RBFOX3: variants seen among roughly 807,000 people sequenced by gnomAD.
RBFOX3 encodes the protein RNA binding fox-1 homolog 3, also known as RNA binding protein fox-1 homolog 3.
In RBFOX3, 17 loss-of-function variants were observed where a neutral mutation model predicts 48.7. The ratio of observed to expected loss-of-function variants is 0.35; its 90% CI spans 0.24 to 0.52. The LOEUF (loss-of-function observed/expected upper bound fraction) is 0.52. RBFOX3 is among the 20% of genes least tolerant of loss of function. The pLI is 0.94. For synonymous variants in RBFOX3, 212 were observed against 209.5 expected (o/e 1.01, Z -0.10); for missense variants, 382 against 497.5 (o/e 0.77, Z 2.21).
At chr17:79,460,990 C>T (rs2075296965) in intron 2 of RBFOX3, among the ~76,000 whole-genome samples, 1 of 152,190 alleles carries the variant, frequency 6.6e-6, no homozygotes, top group Non-Finnish European at 1.5e-5. Context: ...TCCATGCTCA[C>T]CAGTTCTTGC....
At chr17:79,296,328 C>A (rs1329692769) in intron 3 of RBFOX3, among the ~76,000 whole-genome samples, 4 of 149,392 alleles carry the variant, frequency 2.7e-5, no homozygotes, top group Non-Finnish European at 5.9e-5. Flanking sequence ...CACACACACA[C>A]AAAATCTGAT....
the RBFOX3 span, among the ~76,000 whole-genome samples, chr17:79,657,274 G>T: frequency 6.6e-6 from 1 of 152,164 alleles, no homozygotes; most frequent in Non-Finnish European, 1.5e-5. Flanking sequence ...GATTGCAGCA[G>T]GTCTTTAAGC....
At chr17:79,290,229 T>G (rs2072975619) in intron 3 of RBFOX3, among the ~76,000 whole-genome samples, 1 of 151,996 alleles carries the variant, frequency 6.6e-6, no homozygotes, top group Non-Finnish European at 1.5e-5. Context: ...GAAGGAGGCC[T>G]CTTGGGAGGC....
At chr17:79,250,869 A>G (rs1395907395) in intron 3 of RBFOX3, among the ~76,000 whole-genome samples, 1 of 136,446 alleles carries the variant, frequency 7.3e-6, no homozygotes, top group Non-Finnish European at 1.5e-5. Flanking sequence ...GCTCTGCAGT[A>G]CAGTGGCTCA....
intron 3 of RBFOX3, among the ~76,000 whole-genome samples, chr17:79,284,331 T>C (rs1204967911): frequency 2.6e-5 from 4 of 152,024 alleles, no homozygotes; most frequent in African/African-American, 9.7e-5. Flanking sequence ...GAGTAAAACC[T>C]AGGTTACAAT....
upstream of RBFOX3, among the ~76,000 whole-genome samples, chr17:79,611,169 T>TCTCTCTCTCTCTCTCG: frequency 0.011 from 274 of 25,920 alleles, 68 homozygotes; most frequent in Non-Finnish European, 0.017. Flanking sequence ...TCTCTCTCTC[T>TCTCTCTCTCTCTCTCG]CTCTCCGCCC....
chr17:79,468,981 T>TGGATGGATGGAC (rs1840833563), intron 2 of RBFOX3, among the ~76,000 whole-genome samples: 1 of 104,268 alleles, frequency 9.6e-6, no homozygotes, highest in Admixed American at 1.1e-4. Flanking sequence ...GATGGATGGA[T>TGGATGGATGGAC]GGATGGATAG....
chr17:79,430,443 A>G (rs2068222509), intron 2 of RBFOX3, among the ~76,000 whole-genome samples: 1 of 152,218 alleles, frequency 6.6e-6, no homozygotes, highest in East Asian at 1.9e-4. Context: ...CTGTCCTTTT[A>G]GGAGTCTCTT....
intron 1 of RBFOX3, chr17:79,600,697 G>C (rs1284787212): frequency 6.6e-6 from 1 of 152,282 alleles, no homozygotes; most frequent in Non-Finnish European, 1.5e-5. Context: ...CCACCTCGAA[G>C]GCCCGGGGAA....
chr17:79,134,960 T>A (rs1186902045), intron 4 of RBFOX3: 1 of 152,240 alleles, frequency 6.6e-6, no homozygotes, highest in South Asian at 2.1e-4. Context: ...GGGCAGAGAC[T>A]TGGTGAGGGA....
Position 79,214,066 on chromosome 17 carries a change from C to T in RBFOX3, c.-34+21700G>A, listed in dbSNP as rs182667651. On this transcript the variant is annotated intron_variant, in intron 4 of 14. Coordinates refer to ENST00000693108, the MANE Select transcript of RBFOX3 (RefSeq NM_001350451.2). The surrounding 1 kb of genome is among the most constrained non-coding windows in gnomAD (Gnocchi z 4.7). ...GGCCCGGTGAACTACAGCCAACCCTCGCATGGCGCCGCCCAGCTCTGGTAG... is the reference window on the plus strand; with the variant it reads ...GGCCCGGTGAACTACAGCCAACCCTTGCATGGCGCCGCCCAGCTCTGGTAG... Among the ~76,000 whole-genome samples, 32 of 152,278 alleles carry T rather than the reference C, an allele frequency of 2.1e-4. 1 individual carries two copies. The highest frequency in any genetic ancestry group is 1.4e-3 in the Admixed American group (22 of 15,292).
At chr17:79,467,376 G>A (rs1417926989) in intron 2 of RBFOX3, among the ~76,000 whole-genome samples, 1 of 152,196 alleles carries the variant, frequency 6.6e-6, no homozygotes, top group Non-Finnish European at 1.5e-5. Flanking sequence ...AGGAGGGAGA[G>A]AAGGTGGAAA....
At chr17:79,595,829 T>C (rs1245298173) in intron 1 of RBFOX3, among the ~76,000 whole-genome samples, 2 of 152,232 alleles carry the variant, frequency 1.3e-5, no homozygotes, top group African/African-American at 4.8e-5. Flanking sequence ...AGCGGAGAAA[T>C]ATGCAGCGCA....
chr17:79,227,065 CGT>C (rs1314882143), intron 4 of RBFOX3, among the ~76,000 whole-genome samples: 1 of 152,194 alleles, frequency 6.6e-6, no homozygotes, highest in Non-Finnish European at 1.5e-5. Context: ...TTCTCACTCC[CGT>C]GTCTCTTCCC....
At chr17:79,424,034 C>T (rs1213782818) in intron 2 of RBFOX3, 2 of 152,450 alleles carry the variant, frequency 1.3e-5, no homozygotes, top group Non-Finnish European at 2.9e-5. Flanking sequence ...GAGTCAGGAG[C>T]CCCTTCTGTG....
At position 79,243,336 on chromosome 17, in the gene RBFOX3, C is replaced by T. The variant is rs921641428; in HGVS notation, c.-73-7531G>A. ...TGGCCCCAGGAGAAAACCCACTGTA[C>T]TCCTTTTGCTCATTGCCGGGTCTAA... On this transcript the variant is annotated intron_variant, in intron 3 of 14. Coordinates refer to ENST00000693108, the MANE Select transcript of RBFOX3 (RefSeq NM_001350451.2). This position sits in a 1 kb window ranked among gnomAD's most constrained non-coding sequence, Gnocchi z 7.9. 3.9e-5 allele frequency among the ~76,000 whole-genome samples: 6 copies of T among 152,164 alleles called. No homozygotes were observed. Among genetic ancestry groups the T allele is most frequent in the Non-Finnish European group, 8.8e-5 (6 of 68,024 alleles).
chr17:79,554,767 T>C (rs1046791410), intron 1 of RBFOX3, among the ~76,000 whole-genome samples: 8 of 152,346 alleles, frequency 5.3e-5, no homozygotes, highest in African/African-American at 1.9e-4. Flanking sequence ...AAAACCAATA[T>C]TTGAATATTA....
intron 2 of RBFOX3, among the ~76,000 whole-genome samples, chr17:79,416,330 C>CA: frequency 6.6e-6 from 1 of 152,214 alleles, no homozygotes; most frequent in Non-Finnish European, 1.5e-5. Flanking sequence ...TGGCCCCTGC[C>CA]AAACCAGCCC....
chr17:79,110,816 C>T (rs911982295), intron 5 of RBFOX3, among the ~76,000 whole-genome samples: 6 of 152,226 alleles, frequency 3.9e-5, no homozygotes, highest in Admixed American at 1.3e-4. Flanking sequence ...CACGGGCAGC[C>T]GACTGACGCC....
Sources: allele counts gnomAD v4.1 joint callset (sites outside exome capture counted in the v4.1 genomes callset), GRCh38; gene constraint gnomAD v4.1.1; non-coding constraint Gnocchi (gnomAD v3.1); transcripts MANE v1.5; gene names NCBI Gene and HGNC (gene_info 2026-07-23, HGNC 2026-07-21).